The following ANK2 variants were observed in gnomAD, a reference collection of about 807,000 sequenced individuals.
ANK2 encodes ankyrin-2.
ANK2 carries 83 observed loss-of-function variants against 360.5 expected under a neutral mutation model. That is an observed-to-expected ratio of 0.23 (90% CI 0.19 to 0.28). The LOEUF is 0.28. ANK2 is among the 10% of genes least tolerant of loss of function. ANK2 has a pLI of 1.00. For synonymous variants in ANK2, 1,740 were observed against 1,759.5 expected, an observed-to-expected ratio of 0.99 and a Z score of 0.28; for missense variants, 4,201 against 4,795.7, an observed-to-expected ratio of 0.88 and a Z score of 3.66.
At chr4:112,730,610 C>T in the ANK2 span, among the ~76,000 whole-genome samples, 1 of 122,646 alleles carries the variant, frequency 8.2e-6, no homozygotes, top group African/African-American at 3.0e-5. Flanking sequence ...GCACTCCAGC[C>T]TGGGCAACAA....
chr4:113,176,300 G>C (rs767427701), intron 2 of ANK2, among the ~76,000 whole-genome samples: 1 of 152,062 alleles, frequency 6.6e-6, no homozygotes, highest in Non-Finnish European at 1.5e-5. Context: ...AAACAGTAAT[G>C]GTTTAGTTTT....
the ANK2 span, among the ~76,000 whole-genome samples, chr4:112,785,225 G>C: frequency 1.3e-5 from 2 of 152,038 alleles, no homozygotes; most frequent in African/African-American, 4.8e-5. Context: ...CTTACTCTTG[G>C]TGCTTCTTTT....
chr4:112,967,893 A>G (rs557335663), intron 2 of ANK2, among the ~76,000 whole-genome samples: 18 of 152,298 alleles, frequency 1.2e-4, no homozygotes, highest in South Asian at 4.1e-4. Flanking sequence ...ATCAAGGAAG[A>G]CTGTGGAATC....
At chr4:112,935,164 T>G (rs2093629194) in intron 2 of ANK2, among the ~76,000 whole-genome samples, 1 of 151,762 alleles carries the variant, frequency 6.6e-6, no homozygotes, top group African/African-American at 2.4e-5. Flanking sequence ...AGTTGGGTGC[T>G]AGAACACATA....
At chr4:113,286,701 G>A (rs879298362) in intron 18 of ANK2, among the ~76,000 whole-genome samples, 2 of 152,144 alleles carry the variant, frequency 1.3e-5, no homozygotes, top group Non-Finnish European at 2.9e-5. Context: ...TCCAGGAAGA[G>A]CATAAATATA....
At chr4:113,245,401 T>C (rs1033946467) in intron 9 of ANK2, among the ~76,000 whole-genome samples, 6 of 152,136 alleles carry the variant, frequency 3.9e-5, no homozygotes, top group East Asian at 1.9e-4. Flanking sequence ...CTGCCCGAGA[T>C]TGGGTAATTT....
the ANK2 span, among the ~76,000 whole-genome samples, chr4:112,720,085 A>G: frequency 6.6e-6 from 1 of 151,890 alleles, no homozygotes; most frequent in African/African-American, 2.4e-5. Flanking sequence ...CTCCTCTATC[A>G]CTTCCTCTTC....
intron 15 of ANK2, among the ~76,000 whole-genome samples, chr4:113,276,005 G>A (rs1030789026): frequency 5.4e-5 from 8 of 147,538 alleles, no homozygotes; most frequent in African/African-American, 2.0e-4. Flanking sequence ...ACAGTGGTGC[G>A]ATCTTGGCTC....
chr4:113,322,856 ATATGTACGGCAGT>A (rs1364588630), intron 26 of ANK2, among the ~76,000 whole-genome samples: 1 of 152,214 alleles, frequency 6.6e-6, no homozygotes, highest in Non-Finnish European at 1.5e-5. Context: ...TGTTTATCTA[ATATGTACGGCAGT>A]TAAGTTAGTT....
At chr4:113,348,348 T>C in intron 36 of ANK2, 40 bp downstream of exon 36, 1 of 1,601,012 alleles carries the variant, frequency 6.2e-7, no homozygotes, top group South Asian at 1.1e-5. Flanking sequence ...GGCTGTGTCA[T>C]TGCTGTAACC....
At chr4:113,135,358 C>T (rs1003649987) in intron 1 of ANK2, among the ~76,000 whole-genome samples, 2 of 151,632 alleles carry the variant, frequency 1.3e-5, no homozygotes, top group African/African-American at 4.9e-5. Flanking sequence ...ATATCACGGT[C>T]AGGCAGGGAT....
At chr4:113,182,265 A>C (rs1243320231) in intron 2 of ANK2, among the ~76,000 whole-genome samples, 5 of 152,138 alleles carry the variant, frequency 3.3e-5, no homozygotes, top group African/African-American at 1.2e-4. Context: ...GTTTGAGGGA[A>C]TACTCAGCAG....
chr4:112,811,554 T>TC, the ANK2 span, among the ~76,000 whole-genome samples: 1 of 152,038 alleles, frequency 6.6e-6, no homozygotes, highest in Non-Finnish European at 1.5e-5. Context: ...AGTTACGATT[T>TC]CCCCCCCTTG....
At chr4:113,034,796 TA>T (rs1484518300) in intron 2 of ANK2, 1 of 152,120 alleles carries the variant, frequency 6.6e-6, no homozygotes, top group East Asian at 1.9e-4. Context: ...TTCATTTTCC[TA>T]TGGAAGAAAT....
At chr4:112,799,823 CTTTT>C in the ANK2 span, among the ~76,000 whole-genome samples, 4 of 125,966 alleles carry the variant, frequency 3.2e-5, no homozygotes, top group Admixed American at 8.4e-5. Context: ...CAGCCCACCT[CTTTT>C]TTTTTTTTTT....
At chr4:112,807,103 C>G in the ANK2 span, among the ~76,000 whole-genome samples, 1 of 152,194 alleles carries the variant, frequency 6.6e-6, no homozygotes, top group African/African-American at 2.4e-5. Context: ...GCTCTTTTAA[C>G]TACCTCTGCA....
At chr4:112,864,467 G>T (rs1203497071) in intron 1 of ANK2, among the ~76,000 whole-genome samples, 1 of 151,852 alleles carries the variant, frequency 6.6e-6, no homozygotes, top group Admixed American at 6.6e-5. Context: ...CTGCCAACAT[G>T]CCCAGCTAAT....
intron 1 of ANK2, among the ~76,000 whole-genome samples, chr4:113,105,728 T>C (rs1056576369): frequency 4.6e-5 from 7 of 152,190 alleles, no homozygotes; most frequent in Non-Finnish European, 1.0e-4. Flanking sequence ...CTGAATAGTC[T>C]ATGGTAATTC....
At chr4:112,999,529 A>G (rs1356952100) in intron 2 of ANK2, among the ~76,000 whole-genome samples, 1 of 152,106 alleles carries the variant, frequency 6.6e-6, no homozygotes, top group African/African-American at 2.4e-5. Flanking sequence ...GTGTATATAT[A>G]CTTTTGAAAT....
Sources: allele counts gnomAD v4.1 joint callset (sites outside exome capture counted in the v4.1 genomes callset), GRCh38; gene constraint gnomAD v4.1.1; transcripts MANE v1.5; gene names NCBI Gene and HGNC (gene_info 2026-07-23, HGNC 2026-07-21).